Variants in ATRNL1 observed in about 807,000 individuals in gnomAD.
ATRNL1 encodes the protein attractin like 1, also known as attractin-like protein 1.
Under a neutral mutation model 182.7 loss-of-function variants are expected in ATRNL1, and 95 were observed. The ratio of observed to expected loss-of-function variants is 0.52; its 90% CI spans 0.44 to 0.62. The LOEUF (loss-of-function observed/expected upper bound fraction) is 0.62. Ranked by LOEUF, ATRNL1 falls within the 20% of genes least tolerant of loss-of-function variation. The pLI is 0.00. For missense variants in ATRNL1, 1,471 were observed against 1,679.5 expected, an observed-to-expected ratio of 0.88 and a Z score of 2.17; for synonymous variants, 576 against 568.3, an observed-to-expected ratio of 1.01 and a Z score of -0.19.
chr10:115,574,696 C>G (rs889727494), intron 26 of ATRNL1, among the ~76,000 whole-genome samples: 16 of 152,080 alleles, frequency 1.1e-4, no homozygotes, highest in African/African-American at 3.9e-4. Flanking sequence ...ATTTCAGGAG[C>G]CCTAGAAATT....
chr10:115,843,748 A>T (rs1333886787), intron 27 of ATRNL1, among the ~76,000 whole-genome samples: 1 of 152,112 alleles, frequency 6.6e-6, no homozygotes, highest in Non-Finnish European at 1.5e-5. Flanking sequence ...TGGTCAGCAC[A>T]CGTTTTAAGA....
intron 26 of ATRNL1, among the ~76,000 whole-genome samples, chr10:115,693,848 G>A (rs1234055492): frequency 6.6e-6 from 1 of 151,974 alleles, no homozygotes; most frequent in Non-Finnish European, 1.5e-5. Context: ...ATTCTCATGG[G>A]CGCCCTGCAA....
At chr10:115,693,328 C>T (rs1168568884) in intron 26 of ATRNL1, among the ~76,000 whole-genome samples, 1 of 152,136 alleles carries the variant, frequency 6.6e-6, no homozygotes, top group Non-Finnish European at 1.5e-5. Flanking sequence ...AAGTGCATCA[C>T]TATTTCATGT....
At chr10:115,834,626 A>C (rs1005230884) in intron 27 of ATRNL1, among the ~76,000 whole-genome samples, 2 of 152,206 alleles carry the variant, frequency 1.3e-5, no homozygotes, top group African/African-American at 4.8e-5. Context: ...TTGCCAACAG[A>C]CAGGCAGCTG....
At chr10:115,124,418 G>A (rs782803914) in intron 3 of ATRNL1, among the ~76,000 whole-genome samples, 41 of 152,122 alleles carry the variant, frequency 2.7e-4, no homozygotes, top group Non-Finnish European at 5.3e-4. Flanking sequence ...TAAATGCAAA[G>A]CTTCTGGGTC....
chr10:115,885,893 A>G (rs1393473072), intron 28 of ATRNL1, among the ~76,000 whole-genome samples: 1 of 152,180 alleles, frequency 6.6e-6, no homozygotes, highest in Admixed American at 6.5e-5. Context: ...TTTACTATTC[A>G]CCATGTGAGG....
intron 26 of ATRNL1, among the ~76,000 whole-genome samples, chr10:115,580,690 C>CTTTT (rs34768447): frequency 6.6e-6 from 1 of 151,184 alleles, no homozygotes. Context: ...GTCCCTTTTT[C>CTTTT]TTTTTTTTCT....
chr10:115,577,332 A>G (rs1295281888), intron 26 of ATRNL1, among the ~76,000 whole-genome samples: 3 of 151,800 alleles, frequency 2.0e-5, no homozygotes, highest in African/African-American at 7.2e-5. Flanking sequence ...GGATAGTTTG[A>G]CAGTATTAAT....
At chr10:115,631,698 C>G (rs1374596716) in intron 26 of ATRNL1, among the ~76,000 whole-genome samples, 2 of 152,038 alleles carry the variant, frequency 1.3e-5, no homozygotes, top group Non-Finnish European at 2.9e-5. Context: ...ATGATATGGT[C>G]TAGTTAATTA....
rs782331219 is a variant in ATRNL1, at chr10:115,944,675, G to A, written c.4036G>A (p.Ala1346Thr). The A allele has an allele frequency of 6.2e-7, 1 of 1,612,010 alleles. No individual in the cohort carries two copies. Among genetic ancestry groups the A allele is most frequent in the South Asian group, 1.1e-5 (1 of 90,718 alleles). The change falls in exon 29 of 29, where the codon GCC (alanine) becomes ACC (threonine). Residue 1346 changes from alanine (A) to threonine (T), a missense_variant. Ala to Thr is a moderately conservative substitution (Grantham distance 58, BLOSUM62 0). Coordinates refer to ENST00000355044, the MANE Select transcript of ATRNL1 (RefSeq NM_207303.4). ...PGQSGLAIASALIDISQQKAS... is the reference protein window; with the variant it reads ...PGQSGLAIASTLIDISQQKAS... ...CCTTCCAGGCCTTGCAATTGCCAGT[G>A]CCCTAATAGATATTTCACAACAGAA...
At chr10:115,830,451 T>A (rs1950534591) in intron 27 of ATRNL1, among the ~76,000 whole-genome samples, 1 of 152,122 alleles carries the variant, frequency 6.6e-6, no homozygotes, top group Admixed American at 6.5e-5. Flanking sequence ...AAACATTTAT[T>A]GAATGACTGT....
In ATRNL1 at chr10:115,404,286, G is replaced by C. The variant is rs113820522; in HGVS notation, c.3269+9534G>C. The stretch of plus-strand genomic sequence containing the variant: ...TTGAAAACATTCTGAACACAACTCA[G>C]CTGTATTTCGCAGCCTCCATTGCAG... On this transcript the variant is annotated intron_variant, in intron 20 of 28. Coordinates refer to ENST00000355044, the MANE Select transcript of ATRNL1 (RefSeq NM_207303.4). Among the ~76,000 whole-genome samples the C allele has an allele frequency of 5.2e-3, 786 of 152,242 alleles. 7 individuals carry two copies. Among genetic ancestry groups the C allele is most frequent in the African/African-American group, 0.017 (697 of 41,536 alleles).
At chr10:115,794,973 G>C (rs1949616218) in intron 27 of ATRNL1, among the ~76,000 whole-genome samples, 1 of 151,938 alleles carries the variant, frequency 6.6e-6, no homozygotes, top group Admixed American at 6.6e-5. Flanking sequence ...GATCTGAGAG[G>C]CCCCTTTAAG....
At chr10:115,892,458 A>T (rs919769622) in intron 28 of ATRNL1, among the ~76,000 whole-genome samples, 1 of 152,214 alleles carries the variant, frequency 6.6e-6, no homozygotes, top group Non-Finnish European at 1.5e-5. Context: ...AGTTACTCTT[A>T]AAAACTTTTA....
chr10:115,844,769 C>T (rs900469453), intron 27 of ATRNL1, among the ~76,000 whole-genome samples: 1 of 152,036 alleles, frequency 6.6e-6, no homozygotes, highest in Non-Finnish European at 1.5e-5. Flanking sequence ...AAGTAAATCA[C>T]AGTTGCTGAG....
At chr10:115,155,485 C>T (rs1554881821) in intron 5 of ATRNL1, among the ~76,000 whole-genome samples, 1 of 152,026 alleles carries the variant, frequency 6.6e-6, no homozygotes, top group African/African-American at 2.4e-5. Context: ...TAGGTGGAAG[C>T]TCCACAATTA....
At chr10:115,238,450 GTCT>G (rs1850275326) in intron 9 of ATRNL1, among the ~76,000 whole-genome samples, 1 of 152,050 alleles carries the variant, frequency 6.6e-6, no homozygotes. Flanking sequence ...CCTCATACCA[GTCT>G]TGTACATATT....
At chr10:115,388,268 C>T (rs1169092151) in intron 19 of ATRNL1, among the ~76,000 whole-genome samples, 2 of 152,080 alleles carry the variant, frequency 1.3e-5, no homozygotes, top group Non-Finnish European at 2.9e-5. Context: ...TGTCTCCTTA[C>T]TCCTTATGTC....
At chr10:115,799,494 C>A (rs934283246) in intron 27 of ATRNL1, among the ~76,000 whole-genome samples, 1 of 152,154 alleles carries the variant, frequency 6.6e-6, no homozygotes, top group Non-Finnish European at 1.5e-5. Flanking sequence ...TCTCCCAGCC[C>A]ATTCTCTCTG....
Sources: gnomAD v4.1 joint callset for allele counts (sites outside exome capture counted in the v4.1 genomes callset) on GRCh38, gnomAD v4.1.1 for gene constraint, MANE v1.5 for transcripts, NCBI Gene and HGNC (gene_info 2026-07-23, HGNC 2026-07-21) for gene names.